Variants in BCAP29 observed in about 807,000 individuals in gnomAD.
BCAP29 encodes B-cell receptor-associated protein 29.
Under a neutral mutation model 31.8 loss-of-function variants are expected in BCAP29, and 34 were observed. The observed-to-expected ratio is 1.07, with a 90% CI of 0.81 to 1.42. The LOEUF (loss-of-function observed/expected upper bound fraction) is 1.42, where lower values mean the gene tolerates loss of function less well. BCAP29 is among the 40% of genes most tolerant of loss of function. The pLI is 0.00. For synonymous variants in BCAP29, 104 were observed against 91.3 expected (o/e 1.14, Z -0.79); for missense variants, 314 against 269.2 (o/e 1.17, Z -1.16).
Position 107,618,906 on chromosome 7 carries a change from C to G in BCAP29, c.*543C>G, listed in dbSNP as rs1158454044. 5.3e-6 allele frequency: 1 copy of G among 188,724 alleles called. No homozygotes were observed. Among genetic ancestry groups the G allele is most frequent in the African/African-American group, 2.3e-5 (1 of 42,894 alleles). 11.7% of individuals were successfully genotyped at this position (188,724 alleles called of 1,614,324 possible). ...TTAGTTTTTTTTAAGCCTGATGATACTATGGTTTACTCTAATAAGATAGCT... is the reference window on the plus strand; with the variant it reads ...TTAGTTTTTTTTAAGCCTGATGATAGTATGGTTTACTCTAATAAGATAGCT... On this transcript the variant is annotated 3_prime_UTR_variant, in exon 8 of 8. Transcript: ENST00000005259.
intron 3 of BCAP29, among the ~76,000 whole-genome samples, chr7:107,590,833 A>AGAAAG (rs1264036172): frequency 1.0e-4 from 14 of 137,828 alleles, no homozygotes; most frequent in Non-Finnish European, 1.5e-4. Flanking sequence ...AAAAAAAAAA[A>AGAAAG]AAAGAAAGAA....
At chr7:107,602,215 T>C (rs955947672) in intron 6 of BCAP29, among the ~76,000 whole-genome samples, 17 of 152,298 alleles carry the variant, frequency 1.1e-4, no homozygotes, top group African/African-American at 3.8e-4. Flanking sequence ...CCTGTTTGGT[T>C]CCAGCAAGAC....
chr7:107,585,923 A>G (rs1375975689), intron 3 of BCAP29, among the ~76,000 whole-genome samples: 1 of 152,138 alleles, frequency 6.6e-6, no homozygotes, highest in Non-Finnish European at 1.5e-5. Flanking sequence ...CCCGAGAGGC[A>G]GAGGTTGCAG....
chr7:107,580,764 A>G lies in BCAP29; in HGVS notation c.-9A>G. 1 of 1,590,138 alleles carries G rather than the reference A, an allele frequency of 6.3e-7. No homozygotes were observed. The highest frequency in any genetic ancestry group is 8.6e-7 in the Non-Finnish European group (1 of 1,168,954). The stretch of plus-strand genomic sequence containing the variant: ...ATAAGTGTTTTTCCATTTAGGTGTG[A>G]AGAAAAAAATGACACTCCAATGGGC... On this transcript the variant is annotated 5_prime_UTR_variant, in exon 2 of 8. Coordinates refer to ENST00000005259, the MANE Select transcript of BCAP29 (RefSeq NM_018844.4).
At chr7:107,581,795 CTT>C (rs1182330017) in intron 2 of BCAP29, among the ~76,000 whole-genome samples, 1 of 152,168 alleles carries the variant, frequency 6.6e-6, no homozygotes, top group Non-Finnish European at 1.5e-5. Context: ...TTTCTGCTCT[CTT>C]CTGTCCTTCT....
chr7:107,591,162 A>G (rs1168328607), intron 3 of BCAP29, among the ~76,000 whole-genome samples: 1 of 152,216 alleles, frequency 6.6e-6, no homozygotes, highest in African/African-American at 2.4e-5. Flanking sequence ...AATACTCAAT[A>G]TTATTAAAAT....
intron 2 of BCAP29, among the ~76,000 whole-genome samples, chr7:107,583,639 AC>A (rs1173315358): frequency 1.3e-5 from 2 of 152,128 alleles, no homozygotes; most frequent in African/African-American, 2.4e-5. Context: ...TGTATGGTTT[AC>A]TTTTAGAATA....
intron 3 of BCAP29, among the ~76,000 whole-genome samples, chr7:107,591,792 T>C (rs116968301): frequency 6.6e-6 from 1 of 152,230 alleles, no homozygotes; most frequent in East Asian, 1.9e-4. Flanking sequence ...TTAAACCTTA[T>C]CCAATCAAGT....
rs1216465282 is a variant in BCAP29, at chr7:107,618,438, T to C, written c.*75T>C. The C allele has an allele frequency of 1.2e-6, 2 of 1,612,930 alleles. No homozygotes were observed. Among genetic ancestry groups the C allele is most frequent in the African/African-American group, 1.3e-5 (1 of 74,894 alleles). On this transcript the variant is annotated 3_prime_UTR_variant, in exon 8 of 8. Coordinates refer to ENST00000005259, the MANE Select transcript of BCAP29 (RefSeq NM_018844.4). ...TATGTTAGCCTCTAGAAAATTTAAG[T>C]TCAGAAAAATGCACTATGACCGGTT... is the stretch of plus-strand genomic sequence containing the variant.
chr7:107,601,564 C>T (rs1017269102), intron 6 of BCAP29, among the ~76,000 whole-genome samples: 1 of 151,942 alleles, frequency 6.6e-6, no homozygotes, highest in Non-Finnish European at 1.5e-5. Flanking sequence ...ATAGTATAGC[C>T]CAAAATTCAA....
chr7:107,598,965 A>C (rs2129246371), intron 5 of BCAP29, among the ~76,000 whole-genome samples: 1 of 141,022 alleles, frequency 7.1e-6, no homozygotes, highest in African/African-American at 2.6e-5. Context: ...GTGTATATAT[A>C]AATTTATATA....
chr7:107,585,987 G>A (rs778355458), intron 3 of BCAP29, among the ~76,000 whole-genome samples: 6 of 151,360 alleles, frequency 4.0e-5, no homozygotes, highest in Non-Finnish European at 5.9e-5. Flanking sequence ...GTGAAACTCC[G>A]TCTCAAAAAA....
At chr7:107,593,828 TA>T in intron 3 of BCAP29, 126 bp from the exon 4 acceptor site, 1 of 881,428 alleles carries the variant, frequency 1.1e-6, no homozygotes, top group Non-Finnish European at 1.7e-6. Flanking sequence ...CGGAATGACA[TA>T]AAGGTCGCCT....
chr7:107,606,419 C>G (rs568584013), intron 6 of BCAP29, among the ~76,000 whole-genome samples: 1 of 152,142 alleles, frequency 6.6e-6, no homozygotes, highest in Non-Finnish European at 1.5e-5. Flanking sequence ...AAAATCTTTT[C>G]ACAGTAACTT....
intron 5 of BCAP29, among the ~76,000 whole-genome samples, chr7:107,596,289 T>C (rs1352355097): frequency 2.0e-5 from 3 of 152,244 alleles, no homozygotes; most frequent in Admixed American, 2.0e-4. Flanking sequence ...TCTGGGAATA[T>C]GAATTTTAAT....
chr7:107,602,412 A>G (rs1358677618), intron 6 of BCAP29, among the ~76,000 whole-genome samples: 1 of 152,154 alleles, frequency 6.6e-6, no homozygotes, highest in Admixed American at 6.5e-5. Context: ...ATAGTGCATG[A>G]TTTGGATGAA....
intron 6 of BCAP29, among the ~76,000 whole-genome samples, chr7:107,604,772 G>T (rs1273829917): frequency 1.3e-5 from 2 of 148,422 alleles, no homozygotes; most frequent in East Asian, 2.0e-4. Context: ...ATGTCTGGAA[G>T]TTTCTGTTTC....
intron 1 of BCAP29, 60 bp from the exon 2 acceptor site, chr7:107,580,699 G>T: frequency 8.4e-7 from 1 of 1,188,146 alleles, no homozygotes; most frequent in Non-Finnish European, 1.2e-6. Context: ...TGCGCCTCGG[G>T]GCCTTGAACC....
chr7:107,610,829 A>G (rs150471360), intron 6 of BCAP29, among the ~76,000 whole-genome samples: 125 of 152,366 alleles, frequency 8.2e-4, no homozygotes, highest in African/African-American at 3.0e-3. Flanking sequence ...AATTTATTAA[A>G]TAACTTCTTA....
Sources: allele counts gnomAD v4.1 joint callset (sites outside exome capture counted in the v4.1 genomes callset), GRCh38; gene constraint gnomAD v4.1.1; transcripts MANE v1.5; gene names NCBI Gene and HGNC (gene_info 2026-07-23, HGNC 2026-07-21).